Variants in KLRF1 observed in about 807,000 individuals in gnomAD.
KLRF1 encodes killer cell lectin like receptor F1, also known as killer cell lectin-like receptor subfamily F member 1.
A neutral mutation model predicts 30.7 loss-of-function variants in KLRF1; 27 were observed. The observed-to-expected ratio is 0.88, with a 90% CI of 0.65 to 1.21. KLRF1 has a LOEUF of 1.21. KLRF1 is among the 50% of genes most tolerant of loss of function. The probability of loss-of-function intolerance (pLI) is 0.00; values close to 1 mark genes in which losing one functional copy is unlikely to be tolerated. For synonymous variants in KLRF1, 92 were observed against 89.3 expected (o/e 1.03, Z -0.17); for missense variants, 246 against 259.3 (o/e 0.95, Z 0.35).
At chr12:9,800,949 T>C in the KLRF1 span, among the ~76,000 whole-genome samples, 7 of 152,036 alleles carry the variant, frequency 4.6e-5, no homozygotes, top group African/African-American at 1.7e-4. Context: ...CTATCTAGGT[T>C]TTAAGCCCCA....
At chr12:9,812,391 G>T in the KLRF1 span, among the ~76,000 whole-genome samples, 4 of 125,392 alleles carry the variant, frequency 3.2e-5, no homozygotes, top group South Asian at 2.6e-4. Flanking sequence ...AAAAAAAAAA[G>T]ATTGGGTTCT....
intron 3 of KLRF1, among the ~76,000 whole-genome samples, chr12:9,836,122 C>T (rs767862760): frequency 7.2e-5 from 11 of 152,006 alleles, no homozygotes; most frequent in Admixed American, 3.9e-4. Flanking sequence ...GAATAAGTAA[C>T]GTTGGTAGTG....
At chr12:9,829,997 C>G (rs1460361866) in intron 1 of KLRF1, among the ~76,000 whole-genome samples, 5 of 152,174 alleles carry the variant, frequency 3.3e-5, no homozygotes, top group African/African-American at 1.2e-4. Flanking sequence ...TAAATTACTT[C>G]CTAGTCTGTC....
intron 3 of KLRF1, among the ~76,000 whole-genome samples, chr12:9,835,282 T>C (rs2908702): frequency 6.6e-6 from 1 of 152,032 alleles, no homozygotes. Context: ...AAACTGGAGA[T>C]GCAAAGTAAA....
At chr12:9,840,075 G>T (rs1386042805) in intron 3 of KLRF1, among the ~76,000 whole-genome samples, 1 of 151,996 alleles carries the variant, frequency 6.6e-6, no homozygotes. Flanking sequence ...AAAACATTGT[G>T]CTGAATGAAT....
At chr12:9,817,417 C>T in the KLRF1 span, 6 of 416,800 alleles carry the variant, frequency 1.4e-5, no homozygotes, top group African/African-American at 6.7e-5. Flanking sequence ...TCTCTGGTAG[C>T]TTTTTATCAC....
At chr12:9,801,633 A>G in the KLRF1 span, among the ~76,000 whole-genome samples, 1 of 152,002 alleles carries the variant, frequency 6.6e-6, no homozygotes, top group South Asian at 2.1e-4. Context: ...TTTGTTGGCC[A>G]CATAATGTCT....
intron 1 of KLRF1, among the ~76,000 whole-genome samples, chr12:9,831,123 T>A (rs1325370812): frequency 6.6e-6 from 1 of 152,072 alleles, no homozygotes; most frequent in Non-Finnish European, 1.5e-5. Flanking sequence ...TTTTTCCTAA[T>A]GTTTTCTGAT....
upstream of KLRF1, among the ~76,000 whole-genome samples, chr12:9,825,185 A>T (rs1291935656): frequency 2.0e-5 from 3 of 152,078 alleles, no homozygotes; most frequent in Non-Finnish European, 4.4e-5. Context: ...CAAAAAGAAC[A>T]ACACTGGAGG....
At chr12:9,805,371 G>T in the KLRF1 span, among the ~76,000 whole-genome samples, 1 of 151,848 alleles carries the variant, frequency 6.6e-6, no homozygotes, top group African/African-American at 2.4e-5. Context: ...CAAGAGGGAT[G>T]GAAGGGCCCA....
rs79983054 is a variant in KLRF1 at position 9,833,639 on chromosome 12, A to T, written c.334+187A>T. Among the ~76,000 whole-genome samples, 1,376 of 152,312 alleles carry T rather than the reference A, an allele frequency of 9.0e-3. 23 individuals carry two copies. Among genetic ancestry groups the T allele is most frequent in the African/African-American group, 0.031 (1,299 of 41,570 alleles). ...CAGTGGGAGAAAATGGTAAAACAAC[A>T]CAAGAAATAGGCTCTGCCCTCCAGG... On this transcript the variant is annotated intron_variant, in intron 3 of 5. Transcript: ENST00000617889.
At chr12:9,817,601 CT>C in the KLRF1 span, 1 of 304,196 alleles carries the variant, frequency 3.3e-6, no homozygotes, top group Non-Finnish European at 6.7e-6. Flanking sequence ...CACCGGGTTT[CT>C]TCTTTGAAGG....
At chr12:9,800,529 A>G in the KLRF1 span, among the ~76,000 whole-genome samples, 1 of 151,992 alleles carries the variant, frequency 6.6e-6, no homozygotes, top group African/African-American at 2.4e-5. Context: ...TATACTCATA[A>G]CTTAACTCCC....
At chr12:9,816,946 G>C in the KLRF1 span, among the ~76,000 whole-genome samples, 2 of 151,582 alleles carry the variant, frequency 1.3e-5, no homozygotes, top group African/African-American at 4.9e-5. Flanking sequence ...TGTTAGCCAG[G>C]GTGGTCTCGA....
At chr12:9,813,449 C>T in the KLRF1 span, among the ~76,000 whole-genome samples, 3 of 152,036 alleles carry the variant, frequency 2.0e-5, no homozygotes, top group Non-Finnish European at 1.5e-5. Flanking sequence ...GGAGTACAAG[C>T]GCAGGCCCCC....
the KLRF1 span, among the ~76,000 whole-genome samples, chr12:9,820,378 G>A: frequency 3.9e-5 from 6 of 152,160 alleles, no homozygotes; most frequent in Non-Finnish European, 7.4e-5. Flanking sequence ...GTATCTCCTC[G>A]CTGGGCGGGT....
chr12:9,838,884 T>G (rs751410262), intron 3 of KLRF1, among the ~76,000 whole-genome samples: 8 of 152,246 alleles, frequency 5.3e-5, no homozygotes, highest in African/African-American at 1.9e-4. Flanking sequence ...TACACATTTT[T>G]CAGGAGAATC....
chr12:9,834,832 C>A (rs1390813751), intron 3 of KLRF1, among the ~76,000 whole-genome samples: 1 of 152,022 alleles, frequency 6.6e-6, no homozygotes, highest in Non-Finnish European at 1.5e-5. Context: ...GTAAAAACAA[C>A]ACTCTTCATT....
chr12:9,819,750 T>C, the KLRF1 span, among the ~76,000 whole-genome samples: 1 of 152,226 alleles, frequency 6.6e-6, no homozygotes, highest in Admixed American at 6.5e-5. Flanking sequence ...GACTAGGGAC[T>C]GGAGTGGTCC....
Sources: allele counts gnomAD v4.1 joint callset (sites outside exome capture counted in the v4.1 genomes callset), GRCh38; gene constraint gnomAD v4.1.1; transcripts MANE v1.5; gene names NCBI Gene and HGNC (gene_info 2026-07-23, HGNC 2026-07-21).